ZNF611: variants seen among roughly 807,000 people sequenced by gnomAD.
ZNF611 encodes zinc finger protein 611.
ZNF611 carries 6 observed loss-of-function variants against 8.9 expected under a neutral mutation model. The ratio of observed to expected loss-of-function variants is 0.68; its 90% CI spans 0.37 to 1.34. The LOEUF (loss-of-function observed/expected upper bound fraction) is 1.34. ZNF611 is among the 40% of genes most tolerant of loss of function. The pLI is 0.02. For synonymous variants in ZNF611, 262 were observed against 279.7 expected (o/e 0.94, Z 0.63); for missense variants, 874 against 841.3 (o/e 1.04, Z -0.48).
chr19:52,726,106 C>T (rs112788883), intron 3 of ZNF611, among the ~76,000 whole-genome samples: 6 of 152,270 alleles, frequency 3.9e-5, no homozygotes, highest in African/African-American at 1.4e-4. Flanking sequence ...AACTCCTCTC[C>T]CTTTCTATTC....
chr19:52,725,762 G>A lies in ZNF611; in HGVS notation c.-20+2968C>T, dbSNP rs141237748. ...CTTTACTCCACGTGATCCACTTCCG[G>A]GTTTGCTGCGCAGGACAGAAGCCAG... On this transcript the variant is annotated intron_variant, in intron 3 of 5. Transcript: ENST00000652185. 5.3e-3 allele frequency among the ~76,000 whole-genome samples: 811 copies of A among 152,272 alleles called. 10 individuals carry two copies. The highest frequency in any genetic ancestry group is 0.019 in the African/African-American group (775 of 41,560).
Position 52,730,011 on chromosome 19 carries a change from C to A in ZNF611, c.-221-6G>T, listed in dbSNP as rs2062415661. On this transcript the variant is annotated splice_polypyrimidine_tract_variant and splice_region_variant and intron_variant, in intron 1 of 5. Coordinates refer to ENST00000652185, the MANE Select transcript of ZNF611 (RefSeq NM_001161499.2). ...GTCCTTCGTTATCTAGTCAACTGTGCAAAAAATATAGAAAGTGTACTGGGA... is the reference window on the plus strand; with the variant it reads ...GTCCTTCGTTATCTAGTCAACTGTGAAAAAAATATAGAAAGTGTACTGGGA... The A allele has an allele frequency of 6.6e-6, 1 of 151,922 alleles. No homozygotes were observed. Among genetic ancestry groups the A allele is most frequent in the Non-Finnish European group, 1.5e-5 (1 of 67,984 alleles). 9.4% of individuals were successfully genotyped at this position (151,922 alleles called of 1,614,324 possible). A position where few individuals can be genotyped will look rare whatever the true frequency, so the allele number is the denominator to read the frequency against.
intron 4 of ZNF611, 99 bp from the exon 5 acceptor site, chr19:52,714,240 A>C (rs2062299940): frequency 7.1e-6 from 11 of 1,556,554 alleles, no homozygotes; most frequent in Admixed American, 2.1e-5. Context: ...ATTTGATCAA[A>C]GATTATGTTC....
chr19:52,704,281 C>A lies in ZNF611; in HGVS notation c.*656G>T. The stretch of plus-strand genomic sequence containing the variant: ...CTCATTTCATTGGGAACGGTTATCT[C>A]AAAAATGAATTTTCTGATGTTCTGC... On this transcript the variant is annotated 3_prime_UTR_variant, in exon 6 of 6. Coordinates refer to ENST00000652185, the MANE Select transcript of ZNF611 (RefSeq NM_001161499.2). 1.9e-6 allele frequency: 1 copy of A among 520,744 alleles called. No homozygotes were observed. The highest frequency in any genetic ancestry group is 1.5e-5 in the South Asian group (1 of 65,296). The allele number at this position is 520,744 out of a possible 1,614,324, so 32.3% of individuals were successfully genotyped here.
At chr19:52,716,292 C>CT in intron 3 of ZNF611, 1 of 175,550 alleles carries the variant, frequency 5.7e-6, no homozygotes, top group East Asian at 1.5e-4. Context: ...CTTCCATGCT[C>CT]AATGCTGCAC....
chr19:52,720,519 G>A (rs11881694), intron 3 of ZNF611, among the ~76,000 whole-genome samples: 3,057 of 57,336 alleles, frequency 0.053, no homozygotes, highest in Middle Eastern at 0.08. Context: ...CAGATGGGGC[G>A]GCCGGGCAGA....
chr19:52,706,464 G>T lies in ZNF611; in HGVS notation c.591C>A (p.Ser197=), dbSNP rs535994971. The change falls in exon 6 of 6, where the codon TCC becomes TCA. Residue 197 remains serine, a synonymous_variant. Coordinates refer to ENST00000652185, the MANE Select transcript of ZNF611 (RefSeq NM_001161499.2). ...TAGAAATCTGGGTTTGGGGCCTACA[G>T]GAAATTCTTTGGAATGTTGAAACTG... ...APSVSTFQRI[S]CRPQTQISNN... is the part of the protein sequence containing the mutation. The T allele has an allele frequency of 7.4e-5, 120 of 1,614,122 alleles. No homozygotes were observed. In the East Asian group the frequency reaches 2.7e-3, roughly 36 times the overall value.
chr19:52,715,865 C>T lies in ZNF611; in HGVS notation c.30G>A (p.Arg10=). 1 of 1,613,300 alleles carries T rather than the reference C, an allele frequency of 6.2e-7. No individual in the cohort carries two copies. The highest frequency in any genetic ancestry group is 8.5e-7 in the Non-Finnish European group (1 of 1,179,828). The change falls in exon 4 of 6, where the codon AGG becomes AGA. Residue 10 remains arginine (R), a synonymous_variant. Transcript: ENST00000652185. ...GAGCCATGCCTGGCTCCTTTCCTTT[C>T]CTCTTCTGAGCTGCTTCCTCACGTA... is the stretch of plus-strand genomic sequence containing the variant. The part of the protein sequence containing the change: MLREEAAQK[R]KGKEPGMALP...
Position 52,704,605 on chromosome 19 carries a change from T to C in ZNF611, c.*332A>G. 6.3e-7 allele frequency: 1 copy of C among 1,577,774 alleles called. No homozygotes were observed. Among genetic ancestry groups the C allele is most frequent in the Middle Eastern group, 1.7e-4 (1 of 5,960 alleles). ...AAATTTGCCACATTTATTACACTTG[T>C]AAGATCTCTCTTCATTATGGATTCT... On this transcript the variant is annotated 3_prime_UTR_variant, in exon 6 of 6. Coordinates refer to ENST00000652185, the MANE Select transcript of ZNF611 (RefSeq NM_001161499.2).
rs796926630 is a variant in ZNF611 at position 52,734,538 on chromosome 19, G to T, written c.-222+463C>A. Among the ~76,000 whole-genome samples, 4 of 17,808 alleles carry T rather than the reference G, an allele frequency of 2.2e-4. No individual in the cohort carries two copies. The East Asian group carries it at 4.3e-3, about 19-fold the overall frequency. 11.7% of individuals were successfully genotyped at this position (17,808 alleles called of 152,430 possible). A position where few individuals can be genotyped will look rare whatever the true frequency, so the allele number is the denominator to read the frequency against. On this transcript the variant is annotated intron_variant, in intron 1 of 5. Coordinates refer to ENST00000652185, the MANE Select transcript of ZNF611 (RefSeq NM_001161499.2). ...GGCATGAGGAGGAAGGTGCGGGGCGGGGGGGGGGGGCGCGACGGCGCCTTA... is the reference window on the plus strand; with the variant it reads ...GGCATGAGGAGGAAGGTGCGGGGCGTGGGGGGGGGGCGCGACGGCGCCTTA...
rs190595784 is a variant in ZNF611, at chr19:52,717,171, C to T, written c.-19-1258G>A. The stretch of plus-strand genomic sequence containing the variant: ...TTTCCCAGACCAAACCAACGTACTT[C>T]TTACATATGTTGATGTCTCATGTCT... On this transcript the variant is annotated intron_variant, in intron 3 of 5. Transcript: ENST00000652185. Among the ~76,000 whole-genome samples the T allele has an allele frequency of 1.1e-3, 169 of 152,318 alleles. 1 individual carries two copies. Among genetic ancestry groups the T allele is most frequent in the Middle Eastern group, 3.4e-3 (1 of 294 alleles).
chr19:52,722,481 C>T (rs1291102295), intron 3 of ZNF611, among the ~76,000 whole-genome samples: 2 of 152,082 alleles, frequency 1.3e-5, no homozygotes, highest in Non-Finnish European at 2.9e-5. Context: ...TTCTACCCCA[C>T]CCTGGGAAAA....
chr19:52,727,155 T>C (rs8104229), intron 3 of ZNF611, among the ~76,000 whole-genome samples: 5,603 of 152,188 alleles, frequency 0.037, 312 homozygotes, highest in African/African-American at 0.12. Context: ...CGTGAGTCAC[T>C]GTGCCTGGCC....
rs1333203477 is a variant in ZNF611, at chr19:52,703,591, T to TTTC, written c.*1345_*1346insGAA. The TTTC allele has an allele frequency of 5.0e-5, 7 of 139,768 alleles. No individual in the cohort carries two copies. Among genetic ancestry groups the TTTC allele is most frequent in the African/African-American group, 2.0e-4 (7 of 35,564 alleles). 8.7% of individuals were successfully genotyped at this position (139,768 alleles called of 1,614,324 possible). On this transcript the variant is annotated 3_prime_UTR_variant, in exon 6 of 6. Coordinates refer to ENST00000652185, the MANE Select transcript of ZNF611 (RefSeq NM_001161499.2). ...CCACGTACCGAGGCTTTGATATCCT[T>TTTC]TTTTTTTTTTTTTTTTTTGAGATAG... is the stretch of plus-strand genomic sequence containing the variant.
At position 52,713,891 on chromosome 19, in the gene ZNF611, C is replaced by CAAAAACA. The variant is rs1600313849; in HGVS notation, c.190+117_190+123dup. The stretch of plus-strand genomic sequence containing the variant: ...CGGCAATAGGAGCGAAACACCATCT[C>CAAAAACA]AAAAACAAAAAACAAAAAACAAAAC... On this transcript the variant is annotated intron_variant, in intron 5 of 5. Transcript: ENST00000652185. 17 of 1,542,684 alleles carry CAAAAACA rather than the reference C, an allele frequency of 1.1e-5. No homozygotes were observed. The South Asian group carries it at 1.7e-4, about 16-fold the overall frequency.
At position 52,706,565 on chromosome 19, in the gene ZNF611, G is replaced by C. The variant is rs763630284; in HGVS notation, c.490C>G (p.Leu164Val). The C allele has an allele frequency of 1.2e-5, 19 of 1,614,192 alleles. No homozygotes were observed. The highest frequency in any genetic ancestry group is 1.4e-5 in the Non-Finnish European group (17 of 1,180,038). ...ATCTGAAATATGTGGAGTTCAGGCA[G>C]ATGTGAATAAAAGCTTGATCCAAGC... is the stretch of plus-strand genomic sequence containing the variant. Reference protein sequence around the residue: ...DQLGSSFYSHLPELHIFQIKG... With the variant: ...DQLGSSFYSHVPELHIFQIKG... Residue 164 changes from leucine to valine, a missense_variant, in exon 6 of 6, where the codon CTG (leucine) becomes GTG (valine). Physicochemically the swap from Leu to Val is conservative, Grantham distance 32. Coordinates refer to ENST00000652185, the MANE Select transcript of ZNF611 (RefSeq NM_001161499.2).
At chr19:52,725,400 G>A (rs536617638) in intron 3 of ZNF611, among the ~76,000 whole-genome samples, 65 of 152,306 alleles carry the variant, frequency 4.3e-4, no homozygotes, top group African/African-American at 1.4e-3. Context: ...GCTGGGAGGC[G>A]CCCAGGGCGG....
chr19:52,719,963 G>A (rs1192301247), intron 3 of ZNF611, among the ~76,000 whole-genome samples: 1 of 152,158 alleles, frequency 6.6e-6, no homozygotes, highest in Non-Finnish European at 1.5e-5. Flanking sequence ...AGGGAGTGGT[G>A]ATGACTTTTA....
intron 5 of ZNF611, among the ~76,000 whole-genome samples, chr19:52,713,705 A>C (rs1236723990): frequency 2.0e-5 from 3 of 152,128 alleles, no homozygotes; most frequent in African/African-American, 7.2e-5. Flanking sequence ...GAGCCTGACC[A>C]ACATGGAGAA....
Sources: gnomAD v4.1 joint callset for allele counts (sites outside exome capture counted in the v4.1 genomes callset) on GRCh38, gnomAD v4.1.1 for gene constraint, MANE v1.5 for transcripts, NCBI Gene and HGNC (gene_info 2026-07-23, HGNC 2026-07-21) for gene names.